The following HSPA12A variants were observed in gnomAD, a reference collection of about 807,000 sequenced individuals.
HSPA12A encodes the protein heat shock protein family A (Hsp70) member 12A, also known as heat shock 70 kDa protein 12A.
Under a neutral mutation model 69.2 loss-of-function variants are expected in HSPA12A, and 28 were observed. The observed-to-expected ratio is 0.40, with a 90% CI of 0.30 to 0.55. The LOEUF (loss-of-function observed/expected upper bound fraction) is 0.55. HSPA12A is among the 20% of genes least tolerant of loss of function. HSPA12A has a pLI of 0.38. For synonymous variants in HSPA12A, 345 were observed against 370.5 expected (o/e 0.93, Z 0.79); for missense variants, 686 against 900.7 (o/e 0.76, Z 3.05).
At chr10:116,677,909 T>TA (rs1849285944) in intron 10 of HSPA12A, among the ~76,000 whole-genome samples, 1 of 152,144 alleles carries the variant, frequency 6.6e-6, no homozygotes, top group South Asian at 2.1e-4. Context: ...CTCAAATTCC[T>TA]AATGATACTC....
upstream of HSPA12A, among the ~76,000 whole-genome samples, chr10:116,744,577 CAG>C (rs1169573351): frequency 6.6e-6 from 1 of 152,212 alleles, no homozygotes; most frequent in Non-Finnish European, 1.5e-5. Context: ...GTGCTGGGGG[CAG>C]AGAGCAGAAC....
chr10:116,706,852 G>A (rs1466449170), intron 2 of HSPA12A, among the ~76,000 whole-genome samples: 12 of 152,110 alleles, frequency 7.9e-5, no homozygotes, highest in Non-Finnish European at 1.5e-5. Flanking sequence ...CAGAGTCAGC[G>A]GCTTCCTCTC....
chr10:116,729,059 G>A (rs924084721), intron 1 of HSPA12A, among the ~76,000 whole-genome samples: 26 of 152,348 alleles, frequency 1.7e-4, no homozygotes, highest in Middle Eastern at 6.8e-3. Flanking sequence ...GGCTCTCTGG[G>A]TACCTCACAC....
chr10:116,703,168 C>T (rs141098693), intron 3 of HSPA12A, among the ~76,000 whole-genome samples: 3 of 152,280 alleles, frequency 2.0e-5, no homozygotes, highest in African/African-American at 7.2e-5. Context: ...AAGGGCGATG[C>T]TGTCAACAGA....
intron 2 of HSPA12A, among the ~76,000 whole-genome samples, chr10:116,819,219 T>C (rs1432545786): frequency 1.3e-5 from 2 of 152,184 alleles, no homozygotes; most frequent in East Asian, 1.9e-4. Context: ...CAAATGCCCA[T>C]CATCCAGTTG....
At chr10:116,794,066 G>T (rs1844761511) in intron 2 of HSPA12A, among the ~76,000 whole-genome samples, 1 of 152,022 alleles carries the variant, frequency 6.6e-6, no homozygotes, top group Non-Finnish European at 1.5e-5. Context: ...AGCCAGGCGT[G>T]GTGGTGGGCG....
chr10:116,816,032 C>T (rs556801874), intron 2 of HSPA12A, among the ~76,000 whole-genome samples: 26 of 152,252 alleles, frequency 1.7e-4, no homozygotes, highest in African/African-American at 6.0e-4. Context: ...TCAAAGCCCA[C>T]GCATCCTCTC....
At chr10:116,850,095 A>C, upstream of HSPA12A, 7 of 380,964 alleles carry the variant, frequency 1.8e-5, no homozygotes, top group Admixed American at 4.0e-5. Flanking sequence ...ACATACCTTA[A>C]TGCCCTCAGC....
chr10:116,729,414 C>T (rs1400261861), intron 1 of HSPA12A, among the ~76,000 whole-genome samples: 1 of 152,200 alleles, frequency 6.6e-6, no homozygotes, highest in African/African-American at 2.4e-5. Context: ...ATACTCTGCA[C>T]TGACATGGTG....
At chr10:116,696,231 G>A (rs1052461914) in intron 5 of HSPA12A, among the ~76,000 whole-genome samples, 2 of 152,006 alleles carry the variant, frequency 1.3e-5, no homozygotes, top group East Asian at 1.9e-4. Flanking sequence ...GTGATATTCC[G>A]TCACAGTGGC....
At chr10:116,780,563 T>C (rs1238467576) in intron 2 of HSPA12A, among the ~76,000 whole-genome samples, 1 of 149,112 alleles carries the variant, frequency 6.7e-6, no homozygotes, top group East Asian at 2.0e-4. Flanking sequence ...TTATTTTTCG[T>C]AGATATGGTG....
chr10:116,779,852 G>A (rs4331011), intron 2 of HSPA12A, among the ~76,000 whole-genome samples: 59,028 of 151,810 alleles, frequency 0.39, 12,357 homozygotes, highest in Non-Finnish European at 0.45. Context: ...TTGGAGCTCT[G>A]AGTGCACTCC....
chr10:116,822,110 G>A (rs1193494252), intron 2 of HSPA12A, among the ~76,000 whole-genome samples: 1 of 152,200 alleles, frequency 6.6e-6, no homozygotes, highest in Non-Finnish European at 1.5e-5. Flanking sequence ...GTACACTTGG[G>A]TTTATCTGAG....
intron 2 of HSPA12A, among the ~76,000 whole-genome samples, chr10:116,771,766 G>C (rs1312516909): frequency 6.7e-6 from 1 of 150,268 alleles, no homozygotes; most frequent in Non-Finnish European, 1.5e-5. Flanking sequence ...AACCTACAAG[G>C]GGCCCAGATA....
chr10:116,760,925 G>C (rs1554889201), intron 2 of HSPA12A, among the ~76,000 whole-genome samples: 1 of 152,048 alleles, frequency 6.6e-6, no homozygotes, highest in Non-Finnish European at 1.5e-5. Context: ...GGAGATAAAG[G>C]ATAAAACACA....
chr10:116,699,364 T>C (rs1264377387), intron 4 of HSPA12A, among the ~76,000 whole-genome samples: 2 of 152,142 alleles, frequency 1.3e-5, no homozygotes, highest in Non-Finnish European at 2.9e-5. Context: ...AGAGCCTAGA[T>C]GCTGGTGGAC....
At chr10:116,829,919 G>T (rs772449846) in intron 2 of HSPA12A, 1 of 150,054 alleles carries the variant, frequency 6.7e-6, no homozygotes, top group Non-Finnish European at 1.5e-5. Context: ...GTGTTGGGTC[G>T]TTAGTCAGTC....
chr10:116,719,381 C>T (rs1399092271), intron 1 of HSPA12A, among the ~76,000 whole-genome samples: 2 of 152,216 alleles, frequency 1.3e-5, no homozygotes, highest in Non-Finnish European at 2.9e-5. Context: ...CTGCAGCTGC[C>T]ACCTTGCCAC....
In HSPA12A at chr10:116,671,421, C is replaced by T. The variant is rs1849072408; in HGVS notation, c.*3360G>A. ...TATTAGCCATCCACTCAAGCCGTTTCCCAGCATACATATGCAGCTTAATCA... is the reference window on the plus strand; with the variant it reads ...TATTAGCCATCCACTCAAGCCGTTTTCCAGCATACATATGCAGCTTAATCA... On this transcript the variant is annotated 3_prime_UTR_variant, in exon 12 of 12. Coordinates refer to ENST00000369209, the MANE Select transcript of HSPA12A (RefSeq NM_025015.3). 6.6e-6 allele frequency: 1 copy of T among 152,192 alleles called. No individual in the cohort carries two copies. The highest frequency in any genetic ancestry group is 1.5e-5 in the Non-Finnish European group (1 of 68,038). 9.4% of individuals were successfully genotyped at this position (152,192 alleles called of 1,614,324 possible). A position where few individuals can be genotyped will look rare whatever the true frequency, so the allele number is the denominator to read the frequency against.
Sources: gnomAD v4.1 joint callset for allele counts (sites outside exome capture counted in the v4.1 genomes callset) on GRCh38, gnomAD v4.1.1 for gene constraint, MANE v1.5 for transcripts, NCBI Gene and HGNC (gene_info 2026-07-23, HGNC 2026-07-21) for gene names.